Variants in TMEM132A observed in about 807,000 individuals in gnomAD.
TMEM132A encodes GRP78-binding protein.
Under a neutral mutation model 69.9 loss-of-function variants are expected in TMEM132A, and 48 were observed. That is an observed-to-expected ratio of 0.69 (90% CI 0.55 to 0.87). TMEM132A has a LOEUF of 0.87. TMEM132A is among the 40% of genes least tolerant of loss of function. TMEM132A has a pLI of 0.00. For missense variants in TMEM132A, 1,287 were observed against 1,407.2 expected, an observed-to-expected ratio of 0.91 and a Z score of 1.37; for synonymous variants, 577 against 613.7, an observed-to-expected ratio of 0.94 and a Z score of 0.88.
chr11:60,928,961 G>A lies in TMEM132A; in HGVS notation c.866+1G>A. ...TCACAGCCAGCCTCCTGACCCTGCG[G>A]TGAGCACCAGGCCACGGGGATGGGT... On this transcript the variant is annotated splice_donor_variant, in intron 4 of 10. Transcript: ENST00000453848. LOFTEE classifies it high-confidence loss of function. 1 of 1,611,958 alleles carries A rather than the reference G, an allele frequency of 6.2e-7. No homozygotes were observed. The highest frequency in any genetic ancestry group is 8.5e-7 in the Non-Finnish European group (1 of 1,180,004).
At chr11:60,933,510 A>G in intron 7 of TMEM132A, 32 bp from the exon 8 acceptor site, 1 of 1,581,748 alleles carries the variant, frequency 6.3e-7, no homozygotes, top group Non-Finnish European at 8.6e-7. Flanking sequence ...TTAGTGGCTT[A>G]GCCCGCCCAC....
intron 1 of TMEM132A, 198 bp from the exon 2 acceptor site, chr11:60,927,006 G>A: frequency 3.2e-6 from 2 of 627,652 alleles, no homozygotes; most frequent in Non-Finnish European, 2.9e-6. Context: ...TTCGAATCCT[G>A]GCTTTGCTAC....
At chr11:60,926,298 GC>G (rs1856345425) in intron 1 of TMEM132A, among the ~76,000 whole-genome samples, 1 of 152,156 alleles carries the variant, frequency 6.6e-6, no homozygotes, top group African/African-American at 2.4e-5. Flanking sequence ...TCAACCCCCA[GC>G]TCCTTCACTC....
rs775565818 is a variant in TMEM132A at position 60,932,116 on chromosome 11, C to T, written c.1345C>T (p.Gln449Ter). ...TGTCGGCTGCGAGTCTGCCAACACA[C>T]AGGTCCTGCAGGTGAGTGGCAGGTG... ...EHVGCESANT[Q>*]VLQVSEACDA... The change falls in exon 7 of 11, where the codon CAG becomes TAG. Residue 449 changes from glutamine (Q) to a stop codon, truncating the protein, a stop_gained. Coordinates refer to ENST00000453848, the MANE Select transcript of TMEM132A (RefSeq NM_178031.3). LOFTEE classifies it high-confidence loss of function. The T allele has an allele frequency of 2.0e-6, 3 of 1,536,384 alleles. No homozygotes were observed. Among genetic ancestry groups the T allele is most frequent in the Non-Finnish European group, 2.6e-6 (3 of 1,144,878 alleles).
chr11:60,924,645 G>A lies in TMEM132A; in HGVS notation c.12G>A (p.Arg4=). The stretch of plus-strand genomic sequence containing the variant: ...CTTCTGTGGGAAGGATGTGCGCGCG[G>A]ATGGCCGGTCGCACAACAGCGGCCC... MCA[R]MAGRTTAAPR... The change falls in exon 1 of 11, where the codon CGG becomes CGA. Residue 4 remains arginine (R), a synonymous_variant. Coordinates refer to ENST00000453848, the MANE Select transcript of TMEM132A (RefSeq NM_178031.3). 1 of 1,593,790 alleles carries A rather than the reference G, an allele frequency of 6.3e-7. No homozygotes were observed. The highest frequency in any genetic ancestry group is 8.5e-7 in the Non-Finnish European group (1 of 1,176,078).
At chr11:60,933,514 C>T (rs774706885) in intron 7 of TMEM132A, 28 bp from the exon 8 acceptor site, 30 of 1,587,110 alleles carry the variant, frequency 1.9e-5, no homozygotes, top group Non-Finnish European at 2.5e-5. Flanking sequence ...TGGCTTAGCC[C>T]GCCCACCTGC....
rs773905079 is a variant in TMEM132A at position 60,928,581 on chromosome 11, C to T, written c.535-48C>T. On this transcript the variant is annotated intron_variant, in intron 3 of 10. Transcript: ENST00000453848. Reference sequence around the variant, plus strand: ...CATGGGTGCTGAGAATCCTGTTCCTCGCCCTGCACCCACCCCCATGCCAAT... The same window carrying T: ...CATGGGTGCTGAGAATCCTGTTCCTTGCCCTGCACCCACCCCCATGCCAAT... 7.1e-6 allele frequency: 11 copies of T among 1,544,330 alleles called. 1 individual carries two copies. The highest frequency in any genetic ancestry group is 5.4e-5 in the African/African-American group (4 of 73,710).
In TMEM132A at chr11:60,930,672, C is replaced by G. The variant is rs749956823; in HGVS notation, c.1016+13C>G. 39 of 1,601,750 alleles carry G rather than the reference C, an allele frequency of 2.4e-5. No homozygotes were observed. The Admixed American group carries it at 6.5e-4, about 27-fold the overall frequency. On this transcript the variant is annotated intron_variant, in intron 5 of 10. Transcript: ENST00000453848. ...AGCCAGATTCCAGGTGGGCAGTTTC[C>G]CTCCACCCAGGGGGCAAAGGAGGGA...
intron 4 of TMEM132A, among the ~76,000 whole-genome samples, chr11:60,929,987 G>T (rs1156389874): frequency 6.6e-6 from 1 of 152,216 alleles, no homozygotes; most frequent in African/African-American, 2.4e-5. Context: ...GAGGTTCAAA[G>T]TGCGGTGGGA....
chr11:60,924,524 G>C lies in TMEM132A; in HGVS notation c.-110G>C. 4.0e-6 allele frequency: 3 copies of C among 745,680 alleles called. No homozygotes were observed. The highest frequency in any genetic ancestry group is 5.6e-6 in the Non-Finnish European group (3 of 534,110). The allele number at this position is 745,680 out of a possible 1,614,324, so 46.2% of individuals were successfully genotyped here. ...GCGGGCGGCGGCGGCGGCGGCGGCG[G>C]CCGGGACCCAGCGGGCCAGGTGGGG... On this transcript the variant is annotated 5_prime_UTR_variant, in exon 1 of 11. Coordinates refer to ENST00000453848, the MANE Select transcript of TMEM132A (RefSeq NM_178031.3).
chr11:60,934,984 G>A (rs1856557151), intron 9 of TMEM132A, among the ~76,000 whole-genome samples: 1 of 152,194 alleles, frequency 6.6e-6, no homozygotes, highest in African/African-American at 2.4e-5. Flanking sequence ...TGTGGGTAGT[G>A]TGGGGACCGG....
intron 1 of TMEM132A, 160 bp from the exon 2 acceptor site, chr11:60,927,044 C>T (rs543707379): frequency 1.4e-6 from 1 of 700,594 alleles, no homozygotes; most frequent in South Asian, 1.5e-5. Context: ...CTCTTTAAGC[C>T]TCAGTGACCT....
In TMEM132A at chr11:60,924,641, C is replaced by T. The variant is rs753946392; in HGVS notation, c.8C>T (p.Ala3Val). Residue 3 changes from alanine to valine, a missense_variant, in exon 1 of 11, where the codon GCG becomes GTG. By Grantham distance (64) the Ala-to-Val change is moderately conservative (BLOSUM62 0). Transcript: ENST00000453848. The part of the protein sequence containing the change: MC[A>V]RMAGRTTAAP... ...CCGCCTTCTGTGGGAAGGATGTGCGCGCGGATGGCCGGTCGCACAACAGCG... is the reference window on the plus strand; with the variant it reads ...CCGCCTTCTGTGGGAAGGATGTGCGTGCGGATGGCCGGTCGCACAACAGCG... The T allele has an allele frequency of 3.1e-6, 5 of 1,592,928 alleles. No homozygotes were observed. Among genetic ancestry groups the T allele is most frequent in the South Asian group, 1.1e-5 (1 of 90,098 alleles).
Position 60,927,846 on chromosome 11 carries a change from C to T in TMEM132A, c.521C>T (p.Ala174Val). ...ATHPAGTAHQ[A>V]CRFQPSLGAC... ...CACCCTGCCGGCACTGCTCACCAAG[C>T]CTGCCGCTTCCAGGTGAGTAGACAG... Residue 174 changes from alanine to valine, a missense_variant, in exon 3 of 11, where the codon GCC becomes GTC. Transcript: ENST00000453848. The T allele has an allele frequency of 1.2e-6, 2 of 1,609,318 alleles. No homozygotes were observed. Among genetic ancestry groups the T allele is most frequent in the Non-Finnish European group, 8.5e-7 (1 of 1,179,160 alleles).
At chr11:60,931,927 G>C (rs113877669) in intron 6 of TMEM132A, 43 bp downstream of exon 6, 1 of 1,614,168 alleles carries the variant, frequency 6.2e-7, no homozygotes. Flanking sequence ...TGGAGGCCAA[G>C]TCCCAGGAGC....
At position 60,924,474 on chromosome 11, in the gene TMEM132A, A is replaced by C; in HGVS notation, c.-160A>C. The C allele has an allele frequency of 4.9e-6, 2 of 410,762 alleles. No homozygotes were observed. Among genetic ancestry groups the C allele is most frequent in the South Asian group, 7.0e-5 (1 of 14,320 alleles). 25.4% of individuals were successfully genotyped at this position (410,762 alleles called of 1,614,324 possible). A position where few individuals can be genotyped will look rare whatever the true frequency, so the allele number is the denominator to read the frequency against. ...CCTCCCACCCCACTGCTCCCGCTCC[A>C]TTGTCTGGGAATTGCAGCCGCGGGG... On this transcript the variant is annotated 5_prime_UTR_variant, in exon 1 of 11. Coordinates refer to ENST00000453848, the MANE Select transcript of TMEM132A (RefSeq NM_178031.3).
Position 60,931,771 on chromosome 11 carries a change from G to T in TMEM132A, c.1099G>T (p.Val367Phe). ...TGGGGGCGTAGCGGTCACTCGCCCC[G>T]TCACGTGGCAGCTGGAGTACCCAGG... The part of the protein sequence containing the change: ...TGGGVAVTRP[V>F]TWQLEYPGQA... The change falls in exon 6 of 11, where the codon GTC becomes TTC. Residue 367 changes from valine (V) to phenylalanine (F), a missense_variant. By Grantham distance (50) the Val-to-Phe change is conservative. Coordinates refer to ENST00000453848, the MANE Select transcript of TMEM132A (RefSeq NM_178031.3). The T allele has an allele frequency of 6.2e-7, 1 of 1,614,200 alleles. No homozygotes were observed. The highest frequency in any genetic ancestry group is 8.5e-7 in the Non-Finnish European group (1 of 1,180,032).
At chr11:60,925,453 G>C (rs1452806539) in intron 1 of TMEM132A, 1 of 152,252 alleles carries the variant, frequency 6.6e-6, no homozygotes, top group Non-Finnish European at 1.5e-5. Flanking sequence ...ATGGGAGTCC[G>C]TGGGAGTCAG....
chr11:60,933,344 G>T, intron 7 of TMEM132A, 198 bp from the exon 8 acceptor site: 1 of 584,322 alleles, frequency 1.7e-6, no homozygotes, highest in Non-Finnish European at 3.0e-6. Flanking sequence ...CACCACACCC[G>T]GCTGATTTAT....
Sources: allele counts gnomAD v4.1 joint callset (sites outside exome capture counted in the v4.1 genomes callset), GRCh38; gene constraint gnomAD v4.1.1; transcripts MANE v1.5; gene names NCBI Gene and HGNC (gene_info 2026-07-23, HGNC 2026-07-21).